Variants in CTNNA2 observed in about 807,000 individuals in gnomAD.
CTNNA2 encodes the protein catenin alpha 2.
CTNNA2 carries 42 observed loss-of-function variants against 101.0 expected under a neutral mutation model. The ratio of observed to expected loss-of-function variants is 0.42; its 90% CI spans 0.32 to 0.54. CTNNA2 has a LOEUF of 0.54. CTNNA2 is among the 20% of genes least tolerant of loss of function. The pLI, the probability that CTNNA2 is intolerant of heterozygous loss-of-function variation, is 0.14. For synonymous variants in CTNNA2, 450 were observed against 456.4 expected, an observed-to-expected ratio of 0.99 and a Z score of 0.18; for missense variants, 871 against 1,223.1, an observed-to-expected ratio of 0.71 and a Z score of 4.29.
intron 18 of CTNNA2, among the ~76,000 whole-genome samples, chr2:80,641,025 A>G (rs1435040802): frequency 6.6e-6 from 1 of 152,194 alleles, no homozygotes; most frequent in Non-Finnish European, 1.5e-5. Context: ...ATATTGCAAA[A>G]GGCTAAAGTG....
At chr2:79,216,081 C>A (rs1031892634) in intron 2 of CTNNA2, among the ~76,000 whole-genome samples, 1 of 151,928 alleles carries the variant, frequency 6.6e-6, no homozygotes, top group Non-Finnish European at 1.5e-5. Context: ...GGACCATTTG[C>A]CTATTTTACG....
chr2:79,608,144 G>C (rs1031099824), intron 1 of CTNNA2, among the ~76,000 whole-genome samples: 1 of 151,980 alleles, frequency 6.6e-6, no homozygotes, highest in Non-Finnish European at 1.5e-5. Context: ...AAAACTATAT[G>C]CCTATAAGTT....
At chr2:80,015,641 T>C (rs972787523) in intron 7 of CTNNA2, among the ~76,000 whole-genome samples, 2 of 152,132 alleles carry the variant, frequency 1.3e-5, no homozygotes, top group South Asian at 4.1e-4. Flanking sequence ...GGCTAGGTGA[T>C]TTTGGATGTC....
chr2:80,534,406 A>G lies in CTNNA2; in HGVS notation c.1291-10576A>G, dbSNP rs547286534. Among the ~76,000 whole-genome samples, 11 of 152,320 alleles carry G rather than the reference A, an allele frequency of 7.2e-5. No homozygotes were observed. In the South Asian group the frequency reaches 2.1e-3, roughly 29 times the overall value. On this transcript the variant is annotated intron_variant, in intron 9 of 18. Transcript: ENST00000402739. The stretch of plus-strand genomic sequence containing the variant: ...ACTTCCTCCTAATTCTAGATCATAG[A>G]ACTGAGTGCCCTCCTATGTATGACT...
intron 2 of CTNNA2, among the ~76,000 whole-genome samples, chr2:79,235,230 C>G (rs181037461): frequency 4.6e-5 from 7 of 152,290 alleles, no homozygotes; most frequent in African/African-American, 1.7e-4. Flanking sequence ...GGTCAGCACT[C>G]TGTACAAAGT....
chr2:80,264,025 A>G (rs1672814922), intron 7 of CTNNA2, among the ~76,000 whole-genome samples: 2 of 152,224 alleles, frequency 1.3e-5, no homozygotes, highest in African/African-American at 2.4e-5. Context: ...GTCTTTTAAT[A>G]CACACGTCCC....
chr2:79,220,607 A>G (rs1416407158), intron 2 of CTNNA2, among the ~76,000 whole-genome samples: 1 of 152,184 alleles, frequency 6.6e-6, no homozygotes, highest in Non-Finnish European at 1.5e-5. Flanking sequence ...TAGAGTAAGC[A>G]GATGGGCATT....
At chr2:79,362,193 G>A (rs1364870114) in intron 3 of CTNNA2, among the ~76,000 whole-genome samples, 1 of 152,094 alleles carries the variant, frequency 6.6e-6, no homozygotes, top group East Asian at 1.9e-4. Flanking sequence ...AGAACCCATG[G>A]TCTTGCCCTA....
chr2:79,552,495 C>T (rs2104064777), intron 1 of CTNNA2, among the ~76,000 whole-genome samples: 1 of 152,280 alleles, frequency 6.6e-6, no homozygotes, highest in East Asian at 1.9e-4. Context: ...TAGGCAGTTC[C>T]CCAGTGGGGA....
chr2:80,605,981 G>A lies in CTNNA2; in HGVS notation c.2295+1802G>A, dbSNP rs182412491. Among the ~76,000 whole-genome samples, 924 of 151,846 alleles carry A rather than the reference G, an allele frequency of 6.1e-3. 2 individuals carry two copies. Among genetic ancestry groups the A allele is most frequent in the Non-Finnish European group, 9.3e-3 (628 of 67,864 alleles). ...GGTTTTTTTTGACAGACTTCCATAA[G>A]TATTCCAGAAAGTTCATGTAGAGGA... On this transcript the variant is annotated intron_variant, in intron 16 of 18. Transcript: ENST00000402739.
At chr2:80,454,848 C>CGGCA (rs1683827144) in intron 9 of CTNNA2, among the ~76,000 whole-genome samples, 1 of 152,194 alleles carries the variant, frequency 6.6e-6, no homozygotes, top group African/African-American at 2.4e-5. Flanking sequence ...GATTGGCAGG[C>CGGCA]GGGCAGTCAG....
intron 4 of CTNNA2, among the ~76,000 whole-genome samples, chr2:79,399,368 T>C (rs1678266162): frequency 6.6e-6 from 1 of 152,126 alleles, no homozygotes; most frequent in African/African-American, 2.4e-5. Context: ...AAGCTCTCAT[T>C]GCTATCAGAC....
intron 7 of CTNNA2, among the ~76,000 whole-genome samples, chr2:79,982,254 AC>A (rs1196209770): frequency 0.03 from 2,416 of 79,984 alleles, 192 homozygotes; most frequent in African/African-American, 0.11. Context: ...ATGTATATGT[AC>A]ACACACACAT....
At chr2:80,057,798 C>T (rs571925078) in intron 7 of CTNNA2, among the ~76,000 whole-genome samples, 1 of 152,156 alleles carries the variant, frequency 6.6e-6, no homozygotes, top group African/African-American at 2.4e-5. Flanking sequence ...ATTTGGATTT[C>T]TTTTGTGTAT....
chr2:80,179,267 T>G (rs1277057446), intron 7 of CTNNA2, among the ~76,000 whole-genome samples: 1 of 152,166 alleles, frequency 6.6e-6, no homozygotes, highest in East Asian at 1.9e-4. Flanking sequence ...CTTATGATAA[T>G]CCACTGTCAT....
chr2:79,606,771 AGTT>A (rs1325669680), intron 1 of CTNNA2, among the ~76,000 whole-genome samples: 4 of 152,238 alleles, frequency 2.6e-5, no homozygotes, highest in Non-Finnish European at 5.9e-5. Context: ...ATTTGAAAGT[AGTT>A]GTTAAAATGA....
rs556872194 is a variant in CTNNA2, at chr2:79,456,110, AC to A, written c.-134-48943del. On this transcript the variant is annotated intron_variant, in intron 4 of 21. Coordinates refer to the CTNNA2 transcript ENST00000466387. ...GGTTGTGTTTTAAGTATTTAAAATTACATCTTCAAATTAGTTTAAATTATAA... is the reference window on the plus strand; with the variant it reads ...GGTTGTGTTTTAAGTATTTAAAATTAATCTTCAAATTAGTTTAAATTATAA... Among the ~76,000 whole-genome samples, 577 of 151,608 alleles carry A rather than the reference AC, an allele frequency of 3.8e-3. 3 individuals are homozygous for A. Among genetic ancestry groups the A allele is most frequent in the African/African-American group, 0.013 (533 of 41,504 alleles).
At chr2:80,586,997 C>A (rs1056089515) in intron 14 of CTNNA2, among the ~76,000 whole-genome samples, 2 of 152,038 alleles carry the variant, frequency 1.3e-5, no homozygotes, top group African/African-American at 2.4e-5. Context: ...TATCAGTGAC[C>A]CTTGCCCCAC....
At chr2:79,460,614 T>G (rs1350789052) in intron 4 of CTNNA2, among the ~76,000 whole-genome samples, 2 of 152,178 alleles carry the variant, frequency 1.3e-5, no homozygotes, top group African/African-American at 4.8e-5. Flanking sequence ...TTATCCACAA[T>G]GCTGCCAGAA....
Sources: gnomAD v4.1 joint callset for allele counts (sites outside exome capture counted in the v4.1 genomes callset) on GRCh38, gnomAD v4.1.1 for gene constraint, MANE v1.5 for transcripts, NCBI Gene and HGNC (gene_info 2026-07-23, HGNC 2026-07-21) for gene names.